Variants in DAPK1 observed in about 807,000 individuals in gnomAD.
The protein encoded by DAPK1 is death-associated protein kinase 1.
A neutral mutation model predicts 144.9 loss-of-function variants in DAPK1; 56 were observed. The observed-to-expected ratio is 0.39, with a 90% CI of 0.31 to 0.48. The LOEUF (loss-of-function observed/expected upper bound fraction) is 0.48, where lower values mean the gene tolerates loss of function less well. Among genes scored for constraint, DAPK1 ranks in the 20% least tolerant of loss-of-function variants. The pLI is 0.95. For missense variants in DAPK1, 1,454 were observed against 1,875.4 expected, an observed-to-expected ratio of 0.78 and a Z score of 4.15; for synonymous variants, 690 against 749.0, an observed-to-expected ratio of 0.92 and a Z score of 1.29.
chr9:87,637,581 A>G (rs908950900), intron 3 of DAPK1, among the ~76,000 whole-genome samples: 1 of 152,210 alleles, frequency 6.6e-6, no homozygotes, highest in African/African-American at 2.4e-5. Flanking sequence ...AATTCTGTAC[A>G]AAGCTGGCTT....
At chr9:87,702,890 TCAA>T (rs1016162491) in intron 24 of DAPK1, 136 bp from the exon 25 acceptor site, 4 of 595,612 alleles carry the variant, frequency 6.7e-6, no homozygotes, top group African/African-American at 3.7e-5. Flanking sequence ...AAAAAAAACG[TCAA>T]CAACAACAAA....
rs73496267 is a variant in DAPK1, at chr9:87,613,798, G to A, written c.284+8623G>A. Among the ~76,000 whole-genome samples the A allele has an allele frequency of 3.4e-3, 521 of 152,282 alleles. 4 individuals are homozygous for A. Among genetic ancestry groups the A allele is most frequent in the African/African-American group, 0.012 (498 of 41,552 alleles). On this transcript the variant is annotated intron_variant, in intron 3 of 25. Coordinates refer to ENST00000408954, the MANE Select transcript of DAPK1 (RefSeq NM_004938.4). Reference sequence around the variant, plus strand: ...TCCCTGTCTCTGCTTCTCTCTGGGCGCTCACGAACCACAATAGCACACACT... The same window carrying A: ...TCCCTGTCTCTGCTTCTCTCTGGGCACTCACGAACCACAATAGCACACACT...
At chr9:87,650,305 T>C (rs1830400997) in intron 16 of DAPK1, 187 bp downstream of exon 16, 2 of 586,926 alleles carry the variant, frequency 3.4e-6, no homozygotes, top group South Asian at 2.1e-5. Context: ...TTAATATTAA[T>C]TTATGGCATA....
rs371245403 is a variant in DAPK1 at position 87,697,691 on chromosome 9, G to A, written c.2611+487G>A. Among the ~76,000 whole-genome samples, 30 of 152,326 alleles carry A rather than the reference G, an allele frequency of 2.0e-4. 1 individual carries two copies. The East Asian group carries it at 5.6e-3, about 28-fold the overall frequency. On this transcript the variant is annotated intron_variant, in intron 22 of 25. Transcript: ENST00000408954. ...AAAGAGGCCGGGTGCAGTGGTTCAC[G>A]GCTGTAATCCTAGCACTGTGGGAAG...
intron 3 of DAPK1, 25 bp from the exon 4 acceptor site, chr9:87,637,918 A>G (rs576306971): frequency 3.1e-6 from 5 of 1,610,738 alleles, no homozygotes; most frequent in East Asian, 2.2e-5. Context: ...GTTGTTACCA[A>G]TAACCTCTGC....
At chr9:87,502,433 T>C (rs1824437328) in intron 2 of DAPK1, among the ~76,000 whole-genome samples, 4 of 152,164 alleles carry the variant, frequency 2.6e-5, no homozygotes, top group African/African-American at 7.2e-5. Context: ...TCTGCTATTA[T>C]ACCGAGGTGT....
chr9:87,519,217 G>C (rs953780287), intron 2 of DAPK1, among the ~76,000 whole-genome samples: 2 of 152,200 alleles, frequency 1.3e-5, no homozygotes, highest in Non-Finnish European at 2.9e-5. Context: ...AGAGCAGGCA[G>C]CAATGGCAGG....
intron 2 of DAPK1, among the ~76,000 whole-genome samples, chr9:87,511,185 A>G (rs77974171): frequency 0.022 from 3,271 of 152,044 alleles, 124 homozygotes; most frequent in African/African-American, 0.069. Context: ...CATTCTGCCA[A>G]GTTTGCCTTT....
intron 2 of DAPK1, among the ~76,000 whole-genome samples, chr9:87,515,519 G>T (rs770940303): frequency 2.2e-4 from 33 of 152,082 alleles, no homozygotes; most frequent in Non-Finnish European, 4.0e-4. Flanking sequence ...GGCTTGTTTT[G>T]GGGGCACTGG....
intron 2 of DAPK1, among the ~76,000 whole-genome samples, chr9:87,591,505 A>G (rs17053184): frequency 0.1 from 15,470 of 152,260 alleles, 1,443 homozygotes; most frequent in African/African-American, 0.25. Context: ...GCATTGAGTC[A>G]ACATGTATTA....
At chr9:87,640,189 T>C (rs977574929) in intron 7 of DAPK1, 109 bp from the exon 8 acceptor site, 1 of 1,114,846 alleles carries the variant, frequency 9.0e-7, no homozygotes, top group Admixed American at 2.4e-5. Context: ...ACTGTGACTA[T>C]TCGAGCACCA....
intron 3 of DAPK1, among the ~76,000 whole-genome samples, chr9:87,625,724 A>G (rs974317858): frequency 1.3e-5 from 2 of 152,226 alleles, no homozygotes; most frequent in African/African-American, 2.4e-5. Flanking sequence ...TAAATTCCAC[A>G]TGCTATTTTA....
chr9:87,535,838 A>C (rs1825843966), intron 2 of DAPK1, among the ~76,000 whole-genome samples: 1 of 152,220 alleles, frequency 6.6e-6, no homozygotes, highest in South Asian at 2.1e-4. Flanking sequence ...AGGGGAAAAA[A>C]AGGTGACACA....
chr9:87,658,057 C>A lies in DAPK1; in HGVS notation c.1853C>A (p.Ala618Asp). 6.5e-7 allele frequency: 1 copy of A among 1,530,944 alleles called. No homozygotes were observed. The highest frequency in any genetic ancestry group is 9.1e-7 in the Non-Finnish European group (1 of 1,104,906). The allele number at this position is 1,530,944 out of a possible 1,614,324, so 94.8% of individuals were successfully genotyped here. Reference protein sequence around the residue: ...KYGRTPLHLAANNGILDVVRY... With the variant: ...KYGRTPLHLADNNGILDVVRY... ...GGGCGAACGCCTCTGCACCTTGCGGCCAACAACGGAATCCTAGACGTGGTC... is the reference window on the plus strand; with the variant it reads ...GGGCGAACGCCTCTGCACCTTGCGGACAACAACGGAATCCTAGACGTGGTC... Residue 618 changes from alanine to aspartate, a missense_variant, in exon 18 of 26, where the codon GCC becomes GAC. This residue lies in a region of DAPK1 where 1,025 missense variants were observed against 1,237.9 expected (regional missense o/e 0.83). Coordinates refer to ENST00000408954, the MANE Select transcript of DAPK1 (RefSeq NM_004938.4).
intron 16 of DAPK1, chr9:87,650,475 T>G (rs1391528947): frequency 4.0e-6 from 1 of 251,304 alleles, no homozygotes; most frequent in African/African-American, 2.3e-5. Flanking sequence ...AACAAAGAAA[T>G]AGATGTTTTA....
intron 2 of DAPK1, among the ~76,000 whole-genome samples, chr9:87,552,071 A>C (rs1228857312): frequency 6.6e-6 from 1 of 151,990 alleles, no homozygotes; most frequent in East Asian, 1.9e-4. Context: ...AGGCTGGCTC[A>C]CCTTTCAGGC....
At chr9:87,705,681 C>T (rs573774931) in intron 25 of DAPK1, among the ~76,000 whole-genome samples, 2 of 152,172 alleles carry the variant, frequency 1.3e-5, no homozygotes, top group South Asian at 4.2e-4. Flanking sequence ...CCCACATAAC[C>T]CAATATAATT....
At position 87,668,954 on chromosome 9, in the gene DAPK1, A is replaced by C. The variant is rs36216402; in HGVS notation, c.2001+280A>C. ...TCTCTATAATAAACCACTCCCACAA[A>C]GTAGCGGGGGATGAGGACGCTGACT... is the stretch of plus-strand genomic sequence containing the variant. On this transcript the variant is annotated intron_variant, in intron 19 of 25. Coordinates refer to ENST00000408954, the MANE Select transcript of DAPK1 (RefSeq NM_004938.4). 1,069 of 327,006 alleles carry C rather than the reference A, an allele frequency of 3.3e-3. 27 individuals are homozygous for C. The East Asian group carries it at 0.057, about 17-fold the overall frequency. The allele number at this position is 327,006 out of a possible 1,614,324, so 20.3% of individuals were successfully genotyped here.
At chr9:87,600,196 C>T (rs62576181) in intron 2 of DAPK1, among the ~76,000 whole-genome samples, 1 of 152,200 alleles carries the variant, frequency 6.6e-6, no homozygotes, top group Non-Finnish European at 1.5e-5. Context: ...TGTGCAGCAG[C>T]CTCTCCAATT....
Sources: gnomAD v4.1 joint callset for allele counts (sites outside exome capture counted in the v4.1 genomes callset) on GRCh38, gnomAD v4.1.1 for gene constraint, gnomAD v4.1.1 regional missense constraint, MANE v1.5 for transcripts, NCBI Gene and HGNC (gene_info 2026-07-23, HGNC 2026-07-21) for gene names.